ARHGEF28: variants seen among roughly 807,000 people sequenced by gnomAD.
ARHGEF28 encodes 190 kDa guanine nucleotide exchange factor.
A neutral mutation model predicts 206.6 loss-of-function variants in ARHGEF28; 152 were observed. That is an observed-to-expected ratio of 0.74 (90% confidence interval 0.64 to 0.84). ARHGEF28 has a LOEUF of 0.84. ARHGEF28 is among the 40% of genes least tolerant of loss of function. The pLI is 0.00. For synonymous variants in ARHGEF28, 763 were observed against 776.4 expected (o/e 0.98, Z 0.29); for missense variants, 2,028 against 2,073.2 (o/e 0.98, Z 0.42).
chr5:73,667,254 G>T (rs1349089064), intron 1 of ARHGEF28, among the ~76,000 whole-genome samples: 1 of 152,170 alleles, frequency 6.6e-6, no homozygotes, highest in Non-Finnish European at 1.5e-5. Context: ...CCAAGAGATG[G>T]TCTGTTCCAT....
At chr5:73,833,121 G>A (rs1757403179) in intron 10 of ARHGEF28, among the ~76,000 whole-genome samples, 1 of 152,056 alleles carries the variant, frequency 6.6e-6, no homozygotes, top group Non-Finnish European at 1.5e-5. Context: ...TCAAATTTTA[G>A]TATTTATAAA....
chr5:73,800,015 G>T (rs1755041641), intron 9 of ARHGEF28, among the ~76,000 whole-genome samples: 1 of 152,114 alleles, frequency 6.6e-6, no homozygotes, highest in African/African-American at 2.4e-5. Context: ...AAAAAATTAT[G>T]TTAGTCTTCT....
intron 33 of ARHGEF28, among the ~76,000 whole-genome samples, chr5:73,907,688 A>G (rs1762631216): frequency 6.6e-6 from 1 of 152,220 alleles, no homozygotes; most frequent in African/African-American, 2.4e-5. Flanking sequence ...CTTGAAAAGC[A>G]AGTGCTGTTC....
intron 11 of ARHGEF28, among the ~76,000 whole-genome samples, chr5:73,841,321 G>T (rs1579970959): frequency 6.6e-6 from 1 of 152,050 alleles, no homozygotes; most frequent in African/African-American, 2.4e-5. Flanking sequence ...AACAAAAAAA[G>T]CCCCAAAATA....
At chr5:73,810,600 G>A (rs1160986038) in intron 9 of ARHGEF28, among the ~76,000 whole-genome samples, 1 of 152,124 alleles carries the variant, frequency 6.6e-6, no homozygotes, top group Admixed American at 6.5e-5. Flanking sequence ...ACTTCAATAG[G>A]CATGAGAATT....
At chr5:73,777,377 G>A (rs1236050898) in intron 6 of ARHGEF28, among the ~76,000 whole-genome samples, 2 of 151,840 alleles carry the variant, frequency 1.3e-5, no homozygotes, top group African/African-American at 2.4e-5. Flanking sequence ...AGTGCTCCGG[G>A]GTCTATTGAA....
At chr5:73,674,512 A>G (rs1746531790) in intron 1 of ARHGEF28, among the ~76,000 whole-genome samples, 1 of 152,208 alleles carries the variant, frequency 6.6e-6, no homozygotes, top group Non-Finnish European at 1.5e-5. Context: ...ATATTGTGAA[A>G]CATACACGGT....
intron 8 of ARHGEF28, among the ~76,000 whole-genome samples, 154 bp downstream of exon 8, chr5:73,794,608 CTTT>C (rs137906752): frequency 7.1e-4 from 94 of 132,546 alleles, no homozygotes; most frequent in Non-Finnish European, 7.3e-4. Context: ...CTTTTTCTTT[CTTT>C]TTTTTTTTTT....
intron 1 of ARHGEF28, among the ~76,000 whole-genome samples, chr5:73,658,237 A>T (rs1255739075): frequency 6.6e-6 from 1 of 151,490 alleles, no homozygotes; most frequent in Non-Finnish European, 1.5e-5. Context: ...CTGTCACCCC[A>T]TTTCTTCTCT....
chr5:73,761,934 G>C (rs1251415615), intron 4 of ARHGEF28, among the ~76,000 whole-genome samples: 1 of 151,450 alleles, frequency 6.6e-6, no homozygotes, highest in African/African-American at 2.4e-5. Context: ...GGGCTCAAGT[G>C]ATTCTCTTTC....
At chr5:73,892,335 T>TCTGCCCC (rs1021143553) in intron 27 of ARHGEF28, 105 bp downstream of exon 27, 4 of 1,329,604 alleles carry the variant, frequency 3.0e-6, no homozygotes, top group African/African-American at 3.0e-5. Flanking sequence ...GCCAGAATGG[T>TCTGCCCC]CTGCCCCCTG....
At chr5:73,824,357 G>T (rs1208709064) in intron 9 of ARHGEF28, among the ~76,000 whole-genome samples, 1 of 152,116 alleles carries the variant, frequency 6.6e-6, no homozygotes, top group African/African-American at 2.4e-5. Context: ...GAGTGTGACA[G>T]ATGACATAGG....
chr5:73,882,739 G>A (rs1158822549), intron 23 of ARHGEF28, 145 bp downstream of exon 23: 2 of 766,070 alleles, frequency 2.6e-6, no homozygotes, highest in Non-Finnish European at 3.9e-6. Context: ...TGTGACAAAG[G>A]TGGAAAGTCT....
intron 35 of ARHGEF28, among the ~76,000 whole-genome samples, chr5:73,919,429 T>A (rs1763396814): frequency 6.6e-6 from 1 of 152,242 alleles, no homozygotes; most frequent in Non-Finnish European, 1.5e-5. Flanking sequence ...TTCTTCCTTT[T>A]GTTCCTCTGT....
At chr5:73,755,233 A>G (rs1232954950) in intron 4 of ARHGEF28, among the ~76,000 whole-genome samples, 1 of 151,972 alleles carries the variant, frequency 6.6e-6, no homozygotes, top group African/African-American at 2.4e-5. Context: ...TATACATATA[A>G]TGTTTTCTGG....
intron 10 of ARHGEF28, among the ~76,000 whole-genome samples, chr5:73,834,839 G>A (rs1277972299): frequency 1.3e-5 from 2 of 152,088 alleles, no homozygotes; most frequent in African/African-American, 4.8e-5. Flanking sequence ...GCAGGTTTGT[G>A]TTAGTACACT....
intron 2 of ARHGEF28, among the ~76,000 whole-genome samples, chr5:73,724,541 T>C (rs1240705125): frequency 2.0e-5 from 3 of 152,214 alleles, no homozygotes; most frequent in Non-Finnish European, 2.9e-5. Flanking sequence ...TTCCCTGTGC[T>C]GCCCCTTTGT....
chr5:73,737,954 C>G (rs113254816), intron 2 of ARHGEF28, among the ~76,000 whole-genome samples: 5 of 152,268 alleles, frequency 3.3e-5, no homozygotes, highest in African/African-American at 1.2e-4. Flanking sequence ...CTGGGCTGGC[C>G]TTTTTCCTGC....
At chr5:73,737,776 C>T (rs1751093501) in intron 2 of ARHGEF28, among the ~76,000 whole-genome samples, 1 of 152,094 alleles carries the variant, frequency 6.6e-6, no homozygotes, top group African/African-American at 2.4e-5. Flanking sequence ...CTCGGACTCT[C>T]AAAGTGTTGG....
Sources: allele counts gnomAD v4.1 joint callset (sites outside exome capture counted in the v4.1 genomes callset), GRCh38; gene constraint gnomAD v4.1.1; transcripts MANE v1.5; gene names NCBI Gene and HGNC (gene_info 2026-07-23, HGNC 2026-07-21).